Variants in POU6F2 observed in about 807,000 individuals in gnomAD.
POU6F2 encodes POU domain, class 6, transcription factor 2.
In POU6F2, 31 loss-of-function variants were observed where a neutral mutation model predicts 71.3. The observed-to-expected ratio is 0.43, with a 90% confidence interval of 0.33 to 0.59. POU6F2 has a LOEUF of 0.59. POU6F2 is among the 20% of genes least tolerant of loss of function. The pLI is 0.04. For synonymous variants in POU6F2, 347 were observed against 355.7 expected (o/e 0.98, Z 0.27); for missense variants, 783 against 856.8 (o/e 0.91, Z 1.07).
At chr7:39,293,045 G>A (rs1293299353) in intron 4 of POU6F2, among the ~76,000 whole-genome samples, 4 of 152,086 alleles carry the variant, frequency 2.6e-5, no homozygotes, top group Admixed American at 2.0e-4. Flanking sequence ...AAAGAACCTA[G>A]TGATTGCGTG....
At chr7:39,124,885 C>G (rs1792112438) in intron 2 of POU6F2, among the ~76,000 whole-genome samples, 1 of 152,074 alleles carries the variant, frequency 6.6e-6, no homozygotes. Flanking sequence ...TTCTCTTCTT[C>G]CGTTCTTTAT....
Position 39,014,161 on chromosome 7 carries a change from C to G in POU6F2, c.105+36103C>G, listed in dbSNP as rs561157817. 3.9e-5 allele frequency among the ~76,000 whole-genome samples: 6 copies of G among 152,298 alleles called. No individual in the cohort carries two copies. The South Asian group carries it at 1.2e-3, about 32-fold the overall frequency. On this transcript the variant is annotated intron_variant, in intron 1 of 9. Transcript: ENST00000518318. ...ACTCATTATGAAACAATGAACTGTA[C>G]ATCTCTTGGGAGTGTCTTTGAGTAG... is the stretch of plus-strand genomic sequence containing the variant.
chr7:39,080,215 C>T (rs1290076953), intron 1 of POU6F2, among the ~76,000 whole-genome samples: 1 of 152,088 alleles, frequency 6.6e-6, no homozygotes, highest in Non-Finnish European at 1.5e-5. Flanking sequence ...GGGAGAAATA[C>T]TCATATTAAA....
chr7:39,177,419 G>C (rs1343912794), intron 2 of POU6F2, among the ~76,000 whole-genome samples: 1 of 152,224 alleles, frequency 6.6e-6, no homozygotes, highest in Non-Finnish European at 1.5e-5. Context: ...ATATGGGGGA[G>C]TGGAAGCTCA....
At chr7:39,022,932 G>A (rs1789711129) in intron 1 of POU6F2, among the ~76,000 whole-genome samples, 1 of 152,006 alleles carries the variant, frequency 6.6e-6, no homozygotes, top group African/African-American at 2.4e-5. Context: ...AGTTTTCCAA[G>A]CAGTTGTACC....
At chr7:39,281,293 T>C (rs1264759303) in intron 4 of POU6F2, among the ~76,000 whole-genome samples, 1 of 152,164 alleles carries the variant, frequency 6.6e-6, no homozygotes, top group Non-Finnish European at 1.5e-5. Flanking sequence ...TATCATTTCT[T>C]TGTGGTAAAA....
chr7:39,078,421 T>C (rs1562697068), intron 1 of POU6F2, among the ~76,000 whole-genome samples: 1 of 152,186 alleles, frequency 6.6e-6, no homozygotes, highest in African/African-American at 2.4e-5. Flanking sequence ...TGAATATGAC[T>C]AATTTAACCA....
At position 39,098,674 on chromosome 7, in the gene POU6F2, G is replaced by T. The variant is rs1004691038; in HGVS notation, c.277+12643G>T. Reference sequence around the variant, plus strand: ...TACCACTTTTTCACTGGCTGGGTAAGGTAATAACATGTTGAAGCTTCAGCT... The same window carrying T: ...TACCACTTTTTCACTGGCTGGGTAATGTAATAACATGTTGAAGCTTCAGCT... On this transcript the variant is annotated intron_variant, in intron 2 of 9. Coordinates refer to ENST00000518318, the MANE Select transcript of POU6F2 (RefSeq NM_001370959.1). Among the ~76,000 whole-genome samples the T allele has an allele frequency of 2.0e-5, 3 of 152,188 alleles. No individual in the cohort carries two copies. In the South Asian group the frequency reaches 6.2e-4, roughly 32 times the overall value.
At chr7:39,258,497 T>C (rs1784068458) in intron 4 of POU6F2, among the ~76,000 whole-genome samples, 2 of 152,232 alleles carry the variant, frequency 1.3e-5, no homozygotes, top group South Asian at 4.1e-4. Flanking sequence ...CTAGACCCTG[T>C]ATATGATAAA....
chr7:39,398,909 T>C (rs1437075353), intron 5 of POU6F2, among the ~76,000 whole-genome samples: 2 of 152,148 alleles, frequency 1.3e-5, no homozygotes, highest in African/African-American at 4.8e-5. Flanking sequence ...ACTATTATAA[T>C]CCCATTTTAC....
chr7:39,015,326 A>T (rs1332868283), intron 1 of POU6F2, among the ~76,000 whole-genome samples: 1 of 136,414 alleles, frequency 7.3e-6, no homozygotes, highest in African/African-American at 2.7e-5. Flanking sequence ...AATAGATATA[A>T]TATATATTAT....
intron 6 of POU6F2, among the ~76,000 whole-genome samples, chr7:39,414,503 T>TGGGACCCTCA (rs1395775789): frequency 6.6e-6 from 1 of 152,124 alleles, no homozygotes; most frequent in East Asian, 1.9e-4. Flanking sequence ...TCCTGAGGCC[T>TGGGACCCTCA]GGGACCCTCT....
rs1168903284 is a variant in POU6F2, at chr7:39,086,042, C to G, written c.277+11C>G. On this transcript the variant is annotated intron_variant, in intron 2 of 9. Transcript: ENST00000518318. ...CCAGCAAGCTCTTCGGTAAGTCTGT[C>G]TAGGTATTTCATTTCAGTACTACCA... 3 of 1,612,250 alleles carry G rather than the reference C, an allele frequency of 1.9e-6. No individual in the cohort carries two copies. Among genetic ancestry groups the G allele is most frequent in the South Asian group, 2.2e-5 (2 of 90,886 alleles).
intron 2 of POU6F2, among the ~76,000 whole-genome samples, chr7:39,171,386 T>A (rs1326097251): frequency 6.6e-6 from 1 of 152,202 alleles, no homozygotes; most frequent in Non-Finnish European, 1.5e-5. Context: ...TTAGTAGTTA[T>A]ACTTAAAGGT....
At chr7:39,172,965 A>G (rs1253314259) in intron 2 of POU6F2, among the ~76,000 whole-genome samples, 1 of 151,852 alleles carries the variant, frequency 6.6e-6, no homozygotes, top group Non-Finnish European at 1.5e-5. Context: ...AGTACTGTCC[A>G]ATAGAAATAT....
chr7:39,219,782 T>C (rs945472287), intron 4 of POU6F2, among the ~76,000 whole-genome samples: 3 of 152,196 alleles, frequency 2.0e-5, no homozygotes, highest in Non-Finnish European at 4.4e-5. Context: ...AGCGCAAATA[T>C]ACAGGTCCAT....
At chr7:39,432,182 A>T (rs190700427) in intron 6 of POU6F2, among the ~76,000 whole-genome samples, 55 of 152,098 alleles carry the variant, frequency 3.6e-4, no homozygotes, top group African/African-American at 1.2e-3. Flanking sequence ...CAGTAATTGG[A>T]TCTGGCCAGG....
At chr7:39,290,441 G>A (rs1236309547) in intron 4 of POU6F2, among the ~76,000 whole-genome samples, 3 of 152,132 alleles carry the variant, frequency 2.0e-5, no homozygotes, top group Admixed American at 6.5e-5. Flanking sequence ...TGATATTCTC[G>A]ATTCTAAACA....
intron 1 of POU6F2, among the ~76,000 whole-genome samples, chr7:39,000,014 T>C (rs1562661776): frequency 1.3e-5 from 2 of 152,336 alleles, no homozygotes; most frequent in South Asian, 2.1e-4. Flanking sequence ...AGAGATTTTT[T>C]AGAGGGAGCT....
Sources: allele counts gnomAD v4.1 joint callset (sites outside exome capture counted in the v4.1 genomes callset), GRCh38; gene constraint gnomAD v4.1.1; transcripts MANE v1.5; gene names NCBI Gene and HGNC (gene_info 2026-07-23, HGNC 2026-07-21).